The following NALF1 variants were observed in gnomAD, a reference collection of about 807,000 sequenced individuals.
The protein encoded by NALF1 is family with sequence similarity 155 member A.
Under a neutral mutation model 48.4 loss-of-function variants are expected in NALF1, and 3 were observed. The observed-to-expected ratio is 0.06, with a 90% CI of 0.03 to 0.16. The LOEUF (loss-of-function observed/expected upper bound fraction) is 0.16. Ranked by LOEUF, NALF1 falls within the 10% of genes least tolerant of loss-of-function variation. The probability of loss-of-function intolerance (pLI) is 1.00; values close to 1 mark genes in which losing one functional copy is unlikely to be tolerated. For synonymous variants in NALF1, 262 were observed against 245.7 expected, an observed-to-expected ratio of 1.07 and a Z score of -0.62; for missense variants, 526 against 571.5, an observed-to-expected ratio of 0.92 and a Z score of 0.81.
chr13:107,823,699 T>C (rs1000480347), intron 1 of NALF1, among the ~76,000 whole-genome samples: 1 of 152,216 alleles, frequency 6.6e-6, no homozygotes, highest in Non-Finnish European at 1.5e-5. Flanking sequence ...AGAGCTTTCA[T>C]GCTCCTCTCT....
chr13:107,623,975 T>C (rs1284957508), intron 1 of NALF1, among the ~76,000 whole-genome samples: 2 of 152,186 alleles, frequency 1.3e-5, no homozygotes, highest in East Asian at 3.9e-4. Flanking sequence ...AAACATAACC[T>C]GACTGAAGCA....
At chr13:107,278,737 C>G (rs1057166246) in intron 1 of NALF1, among the ~76,000 whole-genome samples, 1 of 151,996 alleles carries the variant, frequency 6.6e-6, no homozygotes, top group African/African-American at 2.4e-5. Flanking sequence ...TCCTAGTAAG[C>G]TACAAACATG....
At chr13:107,655,208 T>C (rs1452316568) in intron 1 of NALF1, among the ~76,000 whole-genome samples, 2 of 152,112 alleles carry the variant, frequency 1.3e-5, no homozygotes, top group Non-Finnish European at 2.9e-5. Context: ...GAAGTCAAAC[T>C]GTCGCTCTTT....
At chr13:107,808,338 T>G (rs1878871836) in intron 1 of NALF1, among the ~76,000 whole-genome samples, 1 of 152,126 alleles carries the variant, frequency 6.6e-6, no homozygotes, top group African/African-American at 2.4e-5. Context: ...TCTGACAACT[T>G]TTAAAAGATT....
chr13:107,803,241 G>A (rs577878648), intron 1 of NALF1, among the ~76,000 whole-genome samples: 1 of 152,140 alleles, frequency 6.6e-6, no homozygotes, highest in African/African-American at 2.4e-5. Context: ...GAGGAGACTG[G>A]ATCCAATAGG....
chr13:107,797,715 T>C (rs988020337), intron 1 of NALF1, among the ~76,000 whole-genome samples: 3 of 152,156 alleles, frequency 2.0e-5, no homozygotes, highest in African/African-American at 4.8e-5. Flanking sequence ...TCAGATTTTA[T>C]ATTTGAAGAT....
chr13:107,798,280 T>C (rs1878495519), intron 1 of NALF1, among the ~76,000 whole-genome samples: 1 of 152,226 alleles, frequency 6.6e-6, no homozygotes, highest in South Asian at 2.1e-4. Context: ...GCACAATTAG[T>C]AAAATGTACA....
intron 1 of NALF1, among the ~76,000 whole-genome samples, chr13:107,530,223 AG>A (rs1207831351): frequency 6.6e-6 from 1 of 152,092 alleles, no homozygotes; most frequent in African/African-American, 2.4e-5. Context: ...GAGGCCTAAA[AG>A]CTCTGTCCAA....
At chr13:107,599,737 T>C (rs1163645419) in intron 1 of NALF1, among the ~76,000 whole-genome samples, 1 of 152,196 alleles carries the variant, frequency 6.6e-6, no homozygotes, top group African/African-American at 2.4e-5. Context: ...ACTAGTATAA[T>C]GGGATAAGAA....
At chr13:107,417,652 G>A (rs1290494431) in intron 1 of NALF1, among the ~76,000 whole-genome samples, 1 of 152,116 alleles carries the variant, frequency 6.6e-6, no homozygotes, top group Non-Finnish European at 1.5e-5. Flanking sequence ...CTCCACTCCA[G>A]TCCTTGTCTT....
At chr13:107,715,443 C>T (rs1396093014) in intron 1 of NALF1, among the ~76,000 whole-genome samples, 1 of 152,178 alleles carries the variant, frequency 6.6e-6, no homozygotes, top group Non-Finnish European at 1.5e-5. Context: ...CTCAGGTGAT[C>T]TGCCCACCTC....
At chr13:107,322,261 CG>C (rs1375809719) in intron 1 of NALF1, among the ~76,000 whole-genome samples, 1 of 152,120 alleles carries the variant, frequency 6.6e-6, no homozygotes, top group Non-Finnish European at 1.5e-5. Flanking sequence ...CTACATGTAA[CG>C]TGGATAAATC....
intron 1 of NALF1, among the ~76,000 whole-genome samples, chr13:107,735,432 G>A (rs1343606049): frequency 1.3e-5 from 2 of 152,136 alleles, no homozygotes; most frequent in Admixed American, 6.6e-5. Flanking sequence ...TGCCTGTTTC[G>A]GCTGGCTTTA....
intron 1 of NALF1, among the ~76,000 whole-genome samples, chr13:107,803,845 C>T (rs61967468): frequency 0.22 from 34,047 of 151,574 alleles, 4,584 homozygotes; most frequent in Admixed American, 0.35. Context: ...CAGTGCCTTG[C>T]CCAAGGACAC....
At chr13:107,232,362 A>G (rs1414225622) in intron 1 of NALF1, among the ~76,000 whole-genome samples, 2 of 152,180 alleles carry the variant, frequency 1.3e-5, no homozygotes, top group Non-Finnish European at 2.9e-5. Context: ...ACTAGAAATC[A>G]TCTTGGAGGT....
In NALF1 at chr13:107,362,989, C is replaced by T. The variant is rs1173047687; in HGVS notation, c.916-152234G>A. Among the ~76,000 whole-genome samples, 1 of 151,950 alleles carries T rather than the reference C, an allele frequency of 6.6e-6. No homozygotes were observed. Among genetic ancestry groups the T allele is most frequent in the Non-Finnish European group, 1.5e-5 (1 of 68,002 alleles). ...AAGCTTACCATATAATAATTGGGATCGTAAAGTGAAAAAAATAGATCTTAA... is the reference window on the plus strand; with the variant it reads ...AAGCTTACCATATAATAATTGGGATTGTAAAGTGAAAAAAATAGATCTTAA... On this transcript the variant is annotated intron_variant, in intron 1 of 2. Coordinates refer to ENST00000375915, the MANE Select transcript of NALF1 (RefSeq NM_001080396.3). This position sits in a 1 kb window ranked among gnomAD's most constrained non-coding sequence, Gnocchi z 4.6.
intron 1 of NALF1, among the ~76,000 whole-genome samples, chr13:107,312,638 A>G (rs924649367): frequency 1.3e-5 from 2 of 152,218 alleles, no homozygotes; most frequent in African/African-American, 2.4e-5. Flanking sequence ...AATTGTAGCA[A>G]TAACGTCAAA....
chr13:107,459,403 A>ATG lies in NALF1; in HGVS notation c.916-248649_916-248648insCA, dbSNP rs199869384. Among the ~76,000 whole-genome samples, 632 of 152,002 alleles carry ATG rather than the reference A, an allele frequency of 4.2e-3. 8 individuals are homozygous for ATG. The highest frequency in any genetic ancestry group is 0.015 in the African/African-American group (613 of 41,526). On this transcript the variant is annotated intron_variant, in intron 1 of 2. Coordinates refer to ENST00000375915, the MANE Select transcript of NALF1 (RefSeq NM_001080396.3). ...AGGTAAAACATACAAATATATATAT[A>ATG]TATAAGGCCTGTTTTGTTAGTATAC...
intron 1 of NALF1, among the ~76,000 whole-genome samples, chr13:107,600,312 T>G (rs1470598239): frequency 6.6e-6 from 1 of 152,180 alleles, no homozygotes; most frequent in East Asian, 1.9e-4. Context: ...AGGGCAATGT[T>G]AGCTTTGCAA....
Sources: gnomAD v4.1 joint callset for allele counts (sites outside exome capture counted in the v4.1 genomes callset) on GRCh38, gnomAD v4.1.1 for gene constraint, Gnocchi (gnomAD v3.1) non-coding constraint, MANE v1.5 for transcripts, NCBI Gene and HGNC (gene_info 2026-07-23, HGNC 2026-07-21) for gene names.